The following NSFL1C variants were observed in gnomAD, a reference collection of about 807,000 sequenced individuals.
NSFL1C encodes the protein NSFL1 cofactor.
NSFL1C carries 14 observed loss-of-function variants against 43.1 expected under a neutral mutation model. The observed-to-expected ratio is 0.32, with a 90% CI of 0.21 to 0.51. NSFL1C has a LOEUF of 0.51. Among genes scored for constraint, NSFL1C ranks in the 20% least tolerant of loss-of-function variants. NSFL1C has a pLI of 0.98. For synonymous variants in NSFL1C, 171 were observed against 183.5 expected, an observed-to-expected ratio of 0.93 and a Z score of 0.55; for missense variants, 406 against 472.5, an observed-to-expected ratio of 0.86 and a Z score of 1.30.
intron 1 of NSFL1C, among the ~76,000 whole-genome samples, chr20:1,465,896 G>A (rs193111977): frequency 6.6e-6 from 1 of 152,296 alleles, no homozygotes; most frequent in East Asian, 1.9e-4. Context: ...TGCAAAATGC[G>A]AAGGTTAAAT....
intron 2 of NSFL1C, among the ~76,000 whole-genome samples, chr20:1,462,559 T>C (rs1471014356): frequency 3.3e-5 from 5 of 151,822 alleles, no homozygotes; most frequent in Non-Finnish European, 7.4e-5. Context: ...TCTTGCTCTG[T>C]CGCCCAGGCT....
At chr20:1,462,401 C>G (rs1046463677) in intron 2 of NSFL1C, among the ~76,000 whole-genome samples, 1 of 152,222 alleles carries the variant, frequency 6.6e-6, no homozygotes, top group African/African-American at 2.4e-5. Context: ...TCTAAGCCTA[C>G]TACCAAGTCT....
At chr20:1,449,470 T>C (rs183306991) in intron 7 of NSFL1C, among the ~76,000 whole-genome samples, 1 of 152,298 alleles carries the variant, frequency 6.6e-6, no homozygotes, top group Admixed American at 6.5e-5. Flanking sequence ...ATTCAAAGAA[T>C]ATTAGTTCCA....
intron 2 of NSFL1C, 140 bp from the exon 3 acceptor site, chr20:1,458,414 T>C: frequency 1.6e-6 from 1 of 636,628 alleles, no homozygotes. Flanking sequence ...GAAAGGTTAA[T>C]CCCCTAAGAT....
intron 3 of NSFL1C, 163 bp from the exon 4 acceptor site, chr20:1,455,295 G>C: frequency 2.5e-6 from 2 of 801,946 alleles, no homozygotes; most frequent in Non-Finnish European, 4.3e-6. Context: ...CAGGTAAAAT[G>C]CAGTGTGAGC....
chr20:1,445,488 T>C (rs1208922477), intron 8 of NSFL1C, among the ~76,000 whole-genome samples, 178 bp downstream of exon 8: 1 of 151,660 alleles, frequency 6.6e-6, no homozygotes, highest in Non-Finnish European at 1.5e-5. Context: ...AATGGAAGAG[T>C]GGGGACCAGA....
rs144980234 is a variant in NSFL1C at position 1,443,828 on chromosome 20, T to C, written c.1034A>G (p.Asn345Ser). 1.1e-5 allele frequency: 17 copies of C among 1,613,986 alleles called. No homozygotes were observed. Among genetic ancestry groups the C allele is most frequent in the African/African-American group, 9.3e-5 (7 of 74,928 alleles). ...CTGGCTCTCATCAGCCAGCTCTTTG[T>C]TCGGGAAAGTAGTCATGAGGATAAA... The part of the protein sequence containing the change: ...TSFILMTTFP[N>S]KELADESQTL... Residue 345 changes from asparagine (N) to serine (S), a missense_variant, in exon 9 of 9, where the codon AAC becomes AGC. Transcript: ENST00000216879.
At chr20:1,454,559 A>C (rs1333802246) in intron 4 of NSFL1C, among the ~76,000 whole-genome samples, 1 of 152,260 alleles carries the variant, frequency 6.6e-6, no homozygotes, top group Non-Finnish European at 1.5e-5. Context: ...AAGGAAACAG[A>C]TGCTACTAAA....
intron 7 of NSFL1C, 31 bp downstream of exon 7, chr20:1,452,460 CAG>C: frequency 3.1e-6 from 5 of 1,608,640 alleles, no homozygotes; most frequent in Non-Finnish European, 4.2e-6. Flanking sequence ...GTGTGATTGA[CAG>C]AGTCTGGCTC....
chr20:1,447,919 A>G (rs1322217498), intron 7 of NSFL1C, among the ~76,000 whole-genome samples: 2 of 152,240 alleles, frequency 1.3e-5, no homozygotes, highest in Non-Finnish European at 2.9e-5. Context: ...AAACACACAC[A>G]CACGCTATGG....
chr20:1,447,127 T>G (rs747345756), intron 7 of NSFL1C, among the ~76,000 whole-genome samples: 1 of 152,136 alleles, frequency 6.6e-6, no homozygotes, highest in Non-Finnish European at 1.5e-5. Flanking sequence ...AATTACAAAG[T>G]AGAGCTCAGA....
At chr20:1,456,483 C>T (rs2090303083) in intron 3 of NSFL1C, 1 of 152,192 alleles carries the variant, frequency 6.6e-6, no homozygotes, top group Admixed American at 6.5e-5. Flanking sequence ...CCCACTTCCC[C>T]AAAGACTGAC....
chr20:1,460,259 G>A (rs2090383950), intron 2 of NSFL1C, among the ~76,000 whole-genome samples: 1 of 152,158 alleles, frequency 6.6e-6, no homozygotes, highest in Non-Finnish European at 1.5e-5. Context: ...CTCAAAGTGT[G>A]GTCATGGACC....
chr20:1,464,330 T>G lies in NSFL1C; in HGVS notation c.202A>C (p.Ser68Arg). Residue 68 changes from serine to arginine, a missense_variant and splice_region_variant, in exon 2 of 9, where the codon AGT (serine) becomes CGT (arginine). Ser to Arg is a moderately radical substitution (Grantham distance 110). Transcript: ENST00000216879. ...GCGATAATTGAAGCTGGCCCTTACC[T>G]GGGGGCTGTGCCTCTGGACACTGAA... ...PSSVSRGTAP[S>R]DNRVTSFRDL... The G allele has an allele frequency of 3.1e-6, 5 of 1,613,886 alleles. No individual in the cohort carries two copies. Among genetic ancestry groups the G allele is most frequent in the Non-Finnish European group, 4.2e-6 (5 of 1,179,740 alleles).
At chr20:1,452,949 A>G (rs1399155402) in intron 6 of NSFL1C, 82 bp downstream of exon 6, 4 of 830,380 alleles carry the variant, frequency 4.8e-6, no homozygotes, top group Non-Finnish European at 8.4e-6. Context: ...TTACTCCTCA[A>G]ATAATAAACA....
At chr20:1,461,898 T>C (rs2090418709) in intron 2 of NSFL1C, among the ~76,000 whole-genome samples, 1 of 152,240 alleles carries the variant, frequency 6.6e-6, no homozygotes, top group South Asian at 2.1e-4. Flanking sequence ...CTGTTATTAC[T>C]GAGTTTAAAC....
rs926793966 is a variant in NSFL1C at position 1,442,556 on chromosome 20, G to T, written c.*1193C>A. On this transcript the variant is annotated 3_prime_UTR_variant, in exon 9 of 9. Transcript: ENST00000216879. ...TCTGGTTTGTTTAATACGGGAAAGG[G>T]TTCCATCCAAGAGCCCAATAGGCCT... The T allele has an allele frequency of 2.0e-5, 3 of 152,192 alleles. No homozygotes were observed. Among genetic ancestry groups the T allele is most frequent in the Admixed American group, 2.0e-4 (3 of 15,284 alleles). 9.4% of individuals were successfully genotyped at this position (152,192 alleles called of 1,614,324 possible).
chr20:1,459,518 G>A (rs1488785067), intron 2 of NSFL1C, among the ~76,000 whole-genome samples: 5 of 152,216 alleles, frequency 3.3e-5, no homozygotes, highest in African/African-American at 1.2e-4. Flanking sequence ...GACTAACAGA[G>A]AGTAATACAG....
chr20:1,458,562 A>G (rs2122925177), intron 2 of NSFL1C, among the ~76,000 whole-genome samples: 1 of 152,320 alleles, frequency 6.6e-6, no homozygotes, highest in Admixed American at 6.5e-5. Context: ...GTATTTATTA[A>G]TATTTAGGAA....
Sources: gnomAD v4.1 joint callset for allele counts (sites outside exome capture counted in the v4.1 genomes callset) on GRCh38, gnomAD v4.1.1 for gene constraint, MANE v1.5 for transcripts, NCBI Gene and HGNC (gene_info 2026-07-23, HGNC 2026-07-21) for gene names.